Variants in DLGAP2 observed in about 807,000 individuals in gnomAD.
DLGAP2 encodes the protein DLG associated protein 2, also known as disks large-associated protein 2.
DLGAP2 carries 26 observed loss-of-function variants against 100.3 expected under a neutral mutation model. The observed-to-expected ratio is 0.26, with a 90% confidence interval of 0.19 to 0.36. The LOEUF (loss-of-function observed/expected upper bound fraction) is 0.36, where lower values mean the gene tolerates loss of function less well. Ranked by LOEUF, DLGAP2 falls within the 10% of genes least tolerant of loss-of-function variation. The pLI, the probability that DLGAP2 is intolerant of heterozygous loss-of-function variation, is 1.00. For synonymous variants in DLGAP2, 886 were observed against 630.1 expected, an observed-to-expected ratio of 1.41 and a Z score of -6.08; for missense variants, 1,858 against 1,453.2, an observed-to-expected ratio of 1.28 and a Z score of -4.53.
At chr8:1,346,087 G>A (rs887428244) in intron 3 of DLGAP2, among the ~76,000 whole-genome samples, 8 of 152,038 alleles carry the variant, frequency 5.3e-5, no homozygotes, top group Non-Finnish European at 8.8e-5. Context: ...TTGAGTGCCC[G>A]GCAGAGCTGC....
chr8:1,044,238 C>T (rs111816275), intron 2 of DLGAP2, among the ~76,000 whole-genome samples: 5,334 of 152,256 alleles, frequency 0.035, 145 homozygotes, highest in Non-Finnish European at 0.057. Flanking sequence ...CAAGTTGTCA[C>T]TTAGTGTTAT....
intron 4 of DLGAP2, among the ~76,000 whole-genome samples, chr8:1,539,741 T>C (rs118089763): frequency 0.016 from 2,410 of 152,272 alleles, 35 homozygotes; most frequent in Non-Finnish European, 0.023. Context: ...TCGCTTTGCA[T>C]GTCTAGCTGT....
intron 3 of DLGAP2, among the ~76,000 whole-genome samples, chr8:1,354,047 T>G (rs925257920): frequency 1.3e-5 from 2 of 152,142 alleles, no homozygotes; most frequent in Non-Finnish European, 1.5e-5. Context: ...GAAGGATGAA[T>G]AGGTGCAGGC....
intron 3 of DLGAP2, among the ~76,000 whole-genome samples, chr8:1,488,295 G>A (rs555959307): frequency 2.0e-5 from 3 of 152,312 alleles, no homozygotes; most frequent in African/African-American, 7.2e-5. Context: ...GGCCACAGCA[G>A]GAGGACGCAG....
chr8:842,701 G>C (rs1174257022), intron 1 of DLGAP2, among the ~76,000 whole-genome samples: 1 of 152,030 alleles, frequency 6.6e-6, no homozygotes, highest in Non-Finnish European at 1.5e-5. Flanking sequence ...TGTTTTGCCT[G>C]TCTAATATTT....
chr8:925,303 G>A (rs928052883), intron 2 of DLGAP2, among the ~76,000 whole-genome samples: 1 of 152,010 alleles, frequency 6.6e-6, no homozygotes, highest in African/African-American at 2.4e-5. Flanking sequence ...TGTTTTTTTT[G>A]TAGAGGGGGT....
intron 2 of DLGAP2, among the ~76,000 whole-genome samples, chr8:1,110,905 A>T (rs1242645366): frequency 6.6e-6 from 1 of 151,660 alleles, no homozygotes; most frequent in South Asian, 2.1e-4. Flanking sequence ...TTCCCTGTGG[A>T]TGGTGCTTTT....
At chr8:1,575,476 A>ATTATTATTATTATTG (rs1325410015) in intron 6 of DLGAP2, among the ~76,000 whole-genome samples, 2 of 148,574 alleles carry the variant, frequency 1.3e-5, no homozygotes, top group East Asian at 3.9e-4. Flanking sequence ...TATTATTATT[A>ATTATTATTATTATTG]TTATTATTAT....
At position 1,486,260 on chromosome 8, in the gene DLGAP2, G is replaced by A. The variant is rs144945512; in HGVS notation, c.107-15106G>A. Among the ~76,000 whole-genome samples the A allele has an allele frequency of 6.3e-3, 962 of 152,306 alleles. 15 individuals are homozygous for A. Among genetic ancestry groups the A allele is most frequent in the African/African-American group, 0.021 (873 of 41,578 alleles). On this transcript the variant is annotated intron_variant, in intron 3 of 14. Coordinates refer to ENST00000637795, the MANE Select transcript of DLGAP2 (RefSeq NM_001346810.2). ...GCCTGGACTTGAGCAAGTCAAGCCT[G>A]CATATTACGGCAGATGGAAAGCTGT...
At chr8:1,291,058 G>T (rs767170372) in intron 3 of DLGAP2, among the ~76,000 whole-genome samples, 1 of 152,066 alleles carries the variant, frequency 6.6e-6, no homozygotes, top group Non-Finnish European at 1.5e-5. Flanking sequence ...CACCAGAATA[G>T]AACCTCCTGA....
intron 3 of DLGAP2, among the ~76,000 whole-genome samples, chr8:1,372,552 G>C (rs1019678129): frequency 6.6e-6 from 1 of 152,110 alleles, no homozygotes; most frequent in African/African-American, 2.4e-5. Flanking sequence ...AGGGTTTTAG[G>C]AGCATCACTG....
intron 3 of DLGAP2, among the ~76,000 whole-genome samples, chr8:1,346,274 T>C (rs1183096053): frequency 2.0e-5 from 3 of 151,068 alleles, no homozygotes; most frequent in African/African-American, 7.3e-5. Flanking sequence ...GTGTGGATGT[T>C]GAGTTCCCAT....
chr8:1,290,849 C>G (rs1800041667), intron 3 of DLGAP2, among the ~76,000 whole-genome samples: 1 of 152,184 alleles, frequency 6.6e-6, no homozygotes, highest in Non-Finnish European at 1.5e-5. Context: ...AATGGCATTA[C>G]TTTTTGCTAT....
chr8:1,470,789 TC>T (rs1798763891), intron 3 of DLGAP2, among the ~76,000 whole-genome samples: 1 of 72,098 alleles, frequency 1.4e-5, no homozygotes, highest in African/African-American at 4.9e-5. Flanking sequence ...CCCCAGCCTT[TC>T]CCGACCCCTC....
intron 6 of DLGAP2, among the ~76,000 whole-genome samples, chr8:1,616,721 A>G (rs1433620570): frequency 1.3e-5 from 2 of 152,226 alleles, no homozygotes; most frequent in Non-Finnish European, 2.9e-5. Flanking sequence ...AAATACATGT[A>G]TCCACATGTG....
chr8:1,548,901 G>T lies in DLGAP2; in HGVS notation c.448G>T (p.Val150Leu). Residue 150 changes from valine to leucine, a missense_variant, in exon 5 of 15, where the codon GTG (valine) becomes TTG (leucine). By Grantham distance (32) the Val-to-Leu change is conservative (BLOSUM62 1). Transcript: ENST00000637795. ...GCACTCGGAGTGCGTGATGATGCCGGTGGTGCTGGGCGACCACGTGTCCAG... is the reference window on the plus strand; with the variant it reads ...GCACTCGGAGTGCGTGATGATGCCGTTGGTGCTGGGCGACCACGTGTCCAG... Reference protein sequence around the residue: ...SVHSECVMMPVVLGDHVSSST... With the variant: ...SVHSECVMMPLVLGDHVSSST... 6.3e-7 allele frequency: 1 copy of T among 1,597,804 alleles called. No homozygotes were observed. Among genetic ancestry groups the T allele is most frequent in the South Asian group, 1.1e-5 (1 of 90,826 alleles).
chr8:1,005,976 G>A (rs926389823), intron 2 of DLGAP2, among the ~76,000 whole-genome samples: 25 of 152,188 alleles, frequency 1.6e-4, no homozygotes, highest in African/African-American at 5.8e-4. Context: ...AAATCACGAG[G>A]TCAAGAGATC....
chr8:901,433 G>T (rs1798249561), intron 1 of DLGAP2, among the ~76,000 whole-genome samples: 1 of 152,202 alleles, frequency 6.6e-6, no homozygotes, highest in African/African-American at 2.4e-5. Flanking sequence ...GTGTTTATCT[G>T]CTAAGAAACA....
chr8:1,330,719 AGCGCCAC>A (rs1801135425), intron 3 of DLGAP2, among the ~76,000 whole-genome samples: 1 of 137,178 alleles, frequency 7.3e-6, no homozygotes, highest in African/African-American at 2.9e-5. Context: ...TCTGGGTGGG[AGCGCCAC>A]TTCACCAGGA....
Sources: allele counts gnomAD v4.1 joint callset (sites outside exome capture counted in the v4.1 genomes callset), GRCh38; gene constraint gnomAD v4.1.1; transcripts MANE v1.5; gene names NCBI Gene and HGNC (gene_info 2026-07-23, HGNC 2026-07-21).